Variants in AUTS2 observed in about 807,000 individuals in gnomAD.
The protein encoded by AUTS2 is autism susceptibility gene 2 protein.
In AUTS2, 17 loss-of-function variants were observed where a neutral mutation model predicts 112.4. The observed-to-expected ratio is 0.15, with a 90% confidence interval of 0.10 to 0.23. The LOEUF (loss-of-function observed/expected upper bound fraction) is 0.23. Ranked by LOEUF, AUTS2 falls within the 10% of genes least tolerant of loss-of-function variation. The probability of loss-of-function intolerance (pLI) is 1.00; values close to 1 mark genes in which losing one functional copy is unlikely to be tolerated. For synonymous variants in AUTS2, 751 were observed against 702.7 expected, an observed-to-expected ratio of 1.07 and a Z score of -1.09; for missense variants, 1,510 against 1,701.6, an observed-to-expected ratio of 0.89 and a Z score of 1.98.
chr7:70,523,716 G>A (rs148997297), intron 5 of AUTS2, among the ~76,000 whole-genome samples: 7 of 152,300 alleles, frequency 4.6e-5, no homozygotes, highest in Admixed American at 1.3e-4. Flanking sequence ...GTAAGATGGC[G>A]CAAGGACAAG....
chr7:70,139,341 T>C (rs1327979147), intron 4 of AUTS2, among the ~76,000 whole-genome samples: 1 of 152,208 alleles, frequency 6.6e-6, no homozygotes, highest in Admixed American at 6.5e-5. Context: ...TTTCCCCAGA[T>C]AATACTCACC....
At chr7:70,400,401 G>A (rs1186850777) in intron 4 of AUTS2, among the ~76,000 whole-genome samples, 1 of 152,126 alleles carries the variant, frequency 6.6e-6, no homozygotes, top group Non-Finnish European at 1.5e-5. Flanking sequence ...TGATCCTCCT[G>A]CCCAAAAAGT....
chr7:70,398,861 CG>C, intron 4 of AUTS2, among the ~76,000 whole-genome samples: 1 of 151,890 alleles, frequency 6.6e-6, no homozygotes, highest in Non-Finnish European at 1.5e-5. Flanking sequence ...AGCCATTTTC[CG>C]TTTGAAAAAG....
chr7:70,478,879 A>G (rs954138864), intron 5 of AUTS2, among the ~76,000 whole-genome samples: 7 of 152,034 alleles, frequency 4.6e-5, no homozygotes, highest in African/African-American at 1.7e-4. Context: ...CATTTGTTTT[A>G]TTATTTTAAT....
intron 2 of AUTS2, among the ~76,000 whole-genome samples, chr7:69,939,373 G>T (rs911255629): frequency 6.6e-6 from 1 of 152,104 alleles, no homozygotes; most frequent in Non-Finnish European, 1.5e-5. Context: ...TGTAACATCA[G>T]AAGTTCAGAA....
chr7:69,710,160 T>A (rs1798250264), intron 1 of AUTS2, among the ~76,000 whole-genome samples: 2 of 152,196 alleles, frequency 1.3e-5, no homozygotes, highest in Admixed American at 1.3e-4. Context: ...TAAGTAATTT[T>A]AAAATTATCT....
At chr7:70,726,920 C>T (rs967623178) in intron 6 of AUTS2, among the ~76,000 whole-genome samples, 2 of 152,192 alleles carry the variant, frequency 1.3e-5, no homozygotes, top group African/African-American at 4.8e-5. Context: ...TCTCTTTCCT[C>T]TCAGCTTTTA....
intron 5 of AUTS2, among the ~76,000 whole-genome samples, chr7:70,497,922 G>T (rs968041215): frequency 2.6e-5 from 4 of 152,114 alleles, no homozygotes; most frequent in African/African-American, 7.2e-5. Flanking sequence ...TACTCCAGCC[G>T]CAATAGTCCA....
At position 70,642,461 on chromosome 7, in the gene AUTS2, T is replaced by A. The variant is rs368371821; in HGVS notation, c.691-56108T>A. Among the ~76,000 whole-genome samples, 6 of 152,344 alleles carry A rather than the reference T, an allele frequency of 3.9e-5. No homozygotes were observed. The East Asian group carries it at 9.6e-4, about 24-fold the overall frequency. On this transcript the variant is annotated intron_variant, in intron 5 of 18. Transcript: ENST00000342771. Reference sequence around the variant, plus strand: ...CATAGTTTTATTTTTCACTTTTAGGTCTTTGTTTCACCCCATAATACTTTG... The same window carrying A: ...CATAGTTTTATTTTTCACTTTTAGGACTTTGTTTCACCCCATAATACTTTG...
At chr7:70,718,600 T>G (rs146802902) in intron 6 of AUTS2, among the ~76,000 whole-genome samples, 1 of 152,292 alleles carries the variant, frequency 6.6e-6, no homozygotes, top group East Asian at 1.9e-4. Flanking sequence ...GAAGCCGTGG[T>G]TGCAGTCAAC....
At chr7:70,387,662 C>T (rs1040671467) in intron 4 of AUTS2, among the ~76,000 whole-genome samples, 2 of 152,184 alleles carry the variant, frequency 1.3e-5, no homozygotes, top group Non-Finnish European at 2.9e-5. Flanking sequence ...GCAAATTTGA[C>T]TTTTTTCTTT....
intron 2 of AUTS2, among the ~76,000 whole-genome samples, chr7:69,995,883 C>A (rs776652183): frequency 3.3e-5 from 5 of 152,154 alleles, no homozygotes; most frequent in African/African-American, 1.2e-4. Context: ...GATTTTCTGC[C>A]TACTTACTGT....
At chr7:69,687,006 A>G (rs1284838299) in intron 1 of AUTS2, among the ~76,000 whole-genome samples, 1 of 152,236 alleles carries the variant, frequency 6.6e-6, no homozygotes, top group Non-Finnish European at 1.5e-5. Context: ...TAGAGACTAT[A>G]AAGTCACAGA....
chr7:70,263,529 A>G, intron 4 of AUTS2, among the ~76,000 whole-genome samples: 1 of 152,212 alleles, frequency 6.6e-6, no homozygotes, highest in Non-Finnish European at 1.5e-5. Flanking sequence ...TGTGAACCAT[A>G]AAATGTTCAT....
At chr7:70,107,357 T>TTC (rs1374595676) in intron 2 of AUTS2, among the ~76,000 whole-genome samples, 2 of 147,178 alleles carry the variant, frequency 1.4e-5, no homozygotes, top group African/African-American at 2.5e-5. Flanking sequence ...TTTTTTTTTT[T>TTC]TCTTTGAGAC....
intron 4 of AUTS2, among the ~76,000 whole-genome samples, chr7:70,410,183 G>A (rs1794711564): frequency 6.6e-6 from 1 of 152,178 alleles, no homozygotes; most frequent in Non-Finnish European, 1.5e-5. Context: ...GAGCAACAGT[G>A]TAGTGGTTGG....
intron 2 of AUTS2, among the ~76,000 whole-genome samples, chr7:70,117,507 GA>G (rs908722059): frequency 1.1e-3 from 174 of 151,636 alleles, no homozygotes; most frequent in Non-Finnish European, 1.7e-3. Flanking sequence ...TTTCATTATT[GA>G]AAAAAAATTG....
intron 4 of AUTS2, among the ~76,000 whole-genome samples, chr7:70,352,100 C>T (rs1791795027): frequency 6.6e-6 from 1 of 152,214 alleles, no homozygotes; most frequent in Non-Finnish European, 1.5e-5. Context: ...CAATCTCTGA[C>T]ATAGATACTA....
intron 5 of AUTS2, among the ~76,000 whole-genome samples, chr7:70,677,470 C>T (rs1221764634): frequency 1.3e-5 from 2 of 152,200 alleles, no homozygotes; most frequent in African/African-American, 4.8e-5. Context: ...ATCTTAGCAT[C>T]GCCCTTTGTG....
Sources: gnomAD v4.1 joint callset for allele counts (sites outside exome capture counted in the v4.1 genomes callset) on GRCh38, gnomAD v4.1.1 for gene constraint, MANE v1.5 for transcripts, NCBI Gene and HGNC (gene_info 2026-07-23, HGNC 2026-07-21) for gene names.